TBC1D2B: variants seen among roughly 807,000 people sequenced by gnomAD.
TBC1D2B encodes TBC1 domain family member 2B.
In TBC1D2B, 64 loss-of-function variants were observed where a neutral mutation model predicts 100.8. The ratio of observed to expected loss-of-function variants is 0.64; its 90% CI spans 0.52 to 0.78. The LOEUF (loss-of-function observed/expected upper bound fraction) is 0.78, where lower values mean the gene tolerates loss of function less well. Ranked by LOEUF, TBC1D2B falls within the 30% of genes least tolerant of loss-of-function variation. The pLI is 0.00. For missense variants in TBC1D2B, 1,052 were observed against 1,218.4 expected, an observed-to-expected ratio of 0.86 and a Z score of 2.03; for synonymous variants, 480 against 479.7, an observed-to-expected ratio of 1.00 and a Z score of -0.01.
chr15:78,023,251 CCTTGGGG>C (rs1279082669), intron 6 of TBC1D2B, among the ~76,000 whole-genome samples: 10 of 152,176 alleles, frequency 6.6e-5, no homozygotes, highest in Admixed American at 6.5e-4. Flanking sequence ...GTGAGGGACG[CCTTGGGG>C]CTAGGTGAGA....
intron 6 of TBC1D2B, among the ~76,000 whole-genome samples, chr15:78,020,103 A>C (rs1377243747): frequency 6.6e-6 from 1 of 152,134 alleles, no homozygotes; most frequent in East Asian, 1.9e-4. Flanking sequence ...GGCTGGTCTC[A>C]AACTCTTGGC....
intron 3 of TBC1D2B, among the ~76,000 whole-genome samples, chr15:78,038,669 C>T (rs1226735696): frequency 3.3e-5 from 5 of 152,304 alleles, no homozygotes; most frequent in Middle Eastern, 3.4e-3. Flanking sequence ...GACAGGTGCC[C>T]TTCCTCAGCC....
intron 3 of TBC1D2B, among the ~76,000 whole-genome samples, chr15:78,035,695 A>G (rs563654462): frequency 1.1e-4 from 16 of 152,350 alleles, no homozygotes; most frequent in Admixed American, 3.3e-4. Flanking sequence ...TTCCTCAAAT[A>G]TATTCTCACA....
At chr15:78,075,388 T>A (rs971402666) in intron 1 of TBC1D2B, among the ~76,000 whole-genome samples, 2 of 151,992 alleles carry the variant, frequency 1.3e-5, no homozygotes, top group African/African-American at 4.8e-5. Flanking sequence ...TTAATAGACA[T>A]GGGGTGTCAC....
intron 10 of TBC1D2B, among the ~76,000 whole-genome samples, chr15:78,006,389 GAAC>G (rs750866271): frequency 6.6e-6 from 1 of 152,198 alleles, no homozygotes; most frequent in Non-Finnish European, 1.5e-5. Flanking sequence ...CAACGCAACA[GAAC>G]AATACATTTC....
In TBC1D2B at chr15:78,013,204, T is replaced by A; in HGVS notation, c.1889A>T (p.Glu630Val). Reference sequence around the variant, plus strand: ...TTCCCACTTGACCCCAGTGGAGACTTCCTGGTTTTCTGTGAGGTAGAGAGT... The same window carrying A: ...TTCCCACTTGACCCCAGTGGAGACTACCTGGTTTTCTGTGAGGTAGAGAGT... The part of the protein sequence containing the change: ...LKTLYLTENQ[E>V]VSTGVKWENY... The change falls in exon 9 of 13, where the codon GAA (glutamate) becomes GTA (valine). Residue 630 changes from glutamate (E) to valine (V), a missense_variant. By Grantham distance (121) the Glu-to-Val change is moderately radical. Transcript: ENST00000300584. 1 of 1,613,998 alleles carries A rather than the reference T, an allele frequency of 6.2e-7. No individual in the cohort carries two copies. The highest frequency in any genetic ancestry group is 1.3e-5 in the African/African-American group (1 of 75,034).
intron 1 of TBC1D2B, among the ~76,000 whole-genome samples, chr15:78,063,943 G>A (rs2073603038): frequency 6.6e-6 from 1 of 151,820 alleles, no homozygotes; most frequent in South Asian, 2.1e-4. Context: ...CTTCCTAACT[G>A]GACTTGCTGT....
intron 9 of TBC1D2B, among the ~76,000 whole-genome samples, chr15:78,009,790 C>T (rs1391713200): frequency 6.6e-6 from 1 of 152,010 alleles, no homozygotes; most frequent in East Asian, 1.9e-4. Flanking sequence ...CTGGCTGACA[C>T]GGTGAAACCC....
intron 3 of TBC1D2B, chr15:78,034,379 A>T: frequency 1.8e-6 from 1 of 544,386 alleles, no homozygotes; most frequent in Admixed American, 6.3e-5. Flanking sequence ...ATGACTTTTC[A>T]GTGGCCCTGC....
At chr15:78,050,826 T>A (rs561224437) in intron 2 of TBC1D2B, among the ~76,000 whole-genome samples, 19 of 152,212 alleles carry the variant, frequency 1.2e-4, no homozygotes, top group Non-Finnish European at 2.4e-4. Flanking sequence ...TGTAAGCAAC[T>A]ATGTGACAGT....
At chr15:78,006,113 G>T (rs371223030) in intron 10 of TBC1D2B, among the ~76,000 whole-genome samples, 1 of 152,216 alleles carries the variant, frequency 6.6e-6, no homozygotes, top group East Asian at 1.9e-4. Flanking sequence ...CTCACAGGAG[G>T]TAGGGCCTGG....
chr15:78,006,954 G>A (rs906569641), intron 10 of TBC1D2B, among the ~76,000 whole-genome samples: 4 of 152,250 alleles, frequency 2.6e-5, no homozygotes, highest in African/African-American at 7.2e-5. Flanking sequence ...GGCACACAAG[G>A]ATGATCCAAT....
chr15:78,011,733 C>G (rs1596308976), intron 9 of TBC1D2B, among the ~76,000 whole-genome samples: 1 of 149,868 alleles, frequency 6.7e-6, no homozygotes, highest in Non-Finnish European at 1.5e-5. Flanking sequence ...ACTGCAACAT[C>G]TGCCTCCCGG....
At chr15:78,065,802 A>C in intron 1 of TBC1D2B, among the ~76,000 whole-genome samples, 1 of 152,118 alleles carries the variant, frequency 6.6e-6, no homozygotes, top group Non-Finnish European at 1.5e-5. Context: ...CGGAGTTGGG[A>C]CAGGTTCCCA....
In TBC1D2B at chr15:78,045,082, T is replaced by A; in HGVS notation, c.515-14A>T. The A allele has an allele frequency of 6.3e-7, 1 of 1,589,650 alleles. No homozygotes were observed. Among genetic ancestry groups the A allele is most frequent in the Non-Finnish European group, 8.6e-7 (1 of 1,165,462 alleles). On this transcript the variant is annotated splice_polypyrimidine_tract_variant and intron_variant, in intron 2 of 12. Coordinates refer to ENST00000300584, the MANE Select transcript of TBC1D2B (RefSeq NM_144572.2). ...GGTAAATTAAATCTGAAAAAAAAGG[T>A]AAACAAATGTCAGTTACTCAAAGCT...
At chr15:78,049,712 GCCT>G (rs2073271852) in intron 2 of TBC1D2B, among the ~76,000 whole-genome samples, 2 of 151,908 alleles carry the variant, frequency 1.3e-5, no homozygotes, top group African/African-American at 4.8e-5. Flanking sequence ...CAAATTGCAA[GCCT>G]GTTCCACATA....
chr15:78,039,491 T>C (rs1567025515), intron 3 of TBC1D2B, among the ~76,000 whole-genome samples: 1 of 152,178 alleles, frequency 6.6e-6, no homozygotes, highest in Non-Finnish European at 1.5e-5. Flanking sequence ...GAGGCAGGCC[T>C]GGAAGGATGA....
chr15:78,025,521 TTTA>T lies in TBC1D2B; in HGVS notation c.848-27_848-25del, dbSNP rs201063233. ...TCCTACATAAAAATAAAACTTGTAT[TTTA>T]TTATTATTATTATTATTTTTGAGAC... On this transcript the variant is annotated intron_variant, in intron 4 of 12. Transcript: ENST00000300584. 757 of 1,434,606 alleles carry T rather than the reference TTTA, an allele frequency of 5.3e-4. 1 individual carries two copies. The highest frequency in any genetic ancestry group is 3.5e-3 in the Middle Eastern group (14 of 3,994). The allele number at this position is 1,434,606 out of a possible 1,614,324, so 88.9% of individuals were successfully genotyped here. A position where few individuals can be genotyped will look rare whatever the true frequency, so the allele number is the denominator to read the frequency against.
intron 2 of TBC1D2B, 112 bp from the exon 3 acceptor site, chr15:78,045,180 G>T: frequency 1.0e-6 from 1 of 967,890 alleles, no homozygotes; most frequent in Non-Finnish European, 1.5e-6. Context: ...CTATGTAATA[G>T]TATATTTTTA....
Sources: allele counts gnomAD v4.1 joint callset (sites outside exome capture counted in the v4.1 genomes callset), GRCh38; gene constraint gnomAD v4.1.1; transcripts MANE v1.5; gene names NCBI Gene and HGNC (gene_info 2026-07-23, HGNC 2026-07-21).